Variants in CD163 observed in about 807,000 individuals in gnomAD.
CD163 encodes CD163 molecule.
A neutral mutation model predicts 129.2 loss-of-function variants in CD163; 64 were observed. That is an observed-to-expected ratio of 0.50 (90% CI 0.41 to 0.61). CD163 has a LOEUF of 0.61. Among genes scored for constraint, CD163 ranks in the 20% least tolerant of loss-of-function variants. The pLI is 0.00. For synonymous variants in CD163, 446 were observed against 478.5 expected, an observed-to-expected ratio of 0.93 and a Z score of 0.89; for missense variants, 1,061 against 1,377.9, an observed-to-expected ratio of 0.77 and a Z score of 3.64.
chr12:7,479,439 A>G (rs1178439795), intron 16 of CD163, among the ~76,000 whole-genome samples: 1 of 152,048 alleles, frequency 6.6e-6, no homozygotes, highest in Non-Finnish European at 1.5e-5. Flanking sequence ...TTTAAAGTTT[A>G]CCTTAAATAT....
In CD163 at chr12:7,490,862, G is replaced by A. The variant is rs184736136; in HGVS notation, c.1421-2775C>T. On this transcript the variant is annotated intron_variant, in intron 6 of 16. Transcript: ENST00000432237. ...TGTTGCTTTCTAAACATAGCTCAGA[G>A]TTTAAAGCAAATAACACCTCTACAA... Among the ~76,000 whole-genome samples the A allele has an allele frequency of 2.0e-5, 3 of 152,098 alleles. 1 individual carries two copies. Among genetic ancestry groups the A allele is most frequent in the Admixed American group, 1.3e-4 (2 of 15,262 alleles).
At chr12:7,475,118 A>AC (rs1949068676) in intron 16 of CD163, among the ~76,000 whole-genome samples, 1 of 142,932 alleles carries the variant, frequency 7.0e-6, no homozygotes, top group Non-Finnish European at 1.6e-5. Context: ...AAAAAAAAAA[A>AC]CCATGACCAG....
intron 10 of CD163, 49 bp downstream of exon 10, chr12:7,486,449 TC>T (rs762106535): frequency 6.6e-7 from 1 of 1,524,324 alleles, no homozygotes; most frequent in Non-Finnish European, 9.0e-7. Context: ...CTACCCTTCC[TC>T]AGTCCTTTCT....
At chr12:7,497,676 A>T (rs1377473790) in intron 4 of CD163, among the ~76,000 whole-genome samples, 1 of 152,242 alleles carries the variant, frequency 6.6e-6, no homozygotes, top group African/African-American at 2.4e-5. Context: ...TTCAAAGAAC[A>T]GACGTTGATT....
Position 7,495,430 on chromosome 12 carries a change from C to T in CD163, c.1100-29G>A, listed in dbSNP as rs770402417. 35 of 1,600,726 alleles carry T rather than the reference C, an allele frequency of 2.2e-5. No homozygotes were observed. The East Asian group carries it at 2.9e-4, about 13-fold the overall frequency. On this transcript the variant is annotated intron_variant, in intron 5 of 16. Transcript: ENST00000432237. ...CAAAAGAAACATAAACTTAAACCAT[C>T]GATACATATGGAGGTTAGCTTCCAG... is the stretch of plus-strand genomic sequence containing the variant.
rs894110331 is a variant in CD163, at chr12:7,498,994, A to G, written c.652T>C (p.Ser218Pro). 3.1e-6 allele frequency: 5 copies of G among 1,614,024 alleles called. No individual in the cohort carries two copies. The African/African-American group carries it at 6.7e-5, about 22-fold the overall frequency. Residue 218 changes from serine to proline, a missense_variant, in exon 4 of 17, where the codon TCT (serine) becomes CCT (proline). Transcript: ENST00000432237. The stretch of plus-strand genomic sequence containing the variant: ...AGATCATCAAACCAGATTGGTCCAG[A>G]GCCTTCTCCAAAATTAGATGAACCA... ...FSGSSNFGEGSGPIWFDDLIC... is the reference protein window; with the variant it reads ...FSGSSNFGEGPGPIWFDDLIC...
In CD163 at chr12:7,495,257, C is replaced by A. The variant is rs1218951990; in HGVS notation, c.1244G>T (p.Gly415Val). Residue 415 changes from glycine (G) to valine (V), a missense_variant, in exon 6 of 17, where the codon GGA becomes GTA. By Grantham distance (109) the Gly-to-Val change is moderately radical. Transcript: ENST00000432237. ...KEADVVCRQL[G>V]CGSALKTSYQ... The stretch of plus-strand genomic sequence containing the variant: ...AGATGTTTTGAGTGCAGATCCACAT[C>A]CCAGCTGCCTGCAAACCACATCAGC... The A allele has an allele frequency of 6.2e-7, 1 of 1,614,010 alleles. No individual in the cohort carries two copies. Among genetic ancestry groups the A allele is most frequent in the Non-Finnish European group, 8.5e-7 (1 of 1,180,008 alleles).
chr12:7,491,467 A>G (rs189508519), intron 6 of CD163, among the ~76,000 whole-genome samples: 58 of 152,218 alleles, frequency 3.8e-4, no homozygotes, highest in South Asian at 2.5e-3. Context: ...CATAAAAACC[A>G]TTAAGTAAAT....
At chr12:7,499,237 T>C (rs1949445559) in intron 3 of CD163, 49 bp from the exon 4 acceptor site, 7 of 1,500,408 alleles carry the variant, frequency 4.7e-6, no homozygotes, top group Middle Eastern at 1.8e-4. Context: ...CATTTAGAAG[T>C]GATTTTAGAA....
At chr12:7,476,326 G>A (rs989111071) in intron 16 of CD163, among the ~76,000 whole-genome samples, 8 of 152,126 alleles carry the variant, frequency 5.3e-5, no homozygotes, top group African/African-American at 1.9e-4. Context: ...CACGCTATCT[G>A]ACTTCAAACT....
chr12:7,486,943 C>T lies in CD163; in HGVS notation c.2094G>A (p.Leu698=). ...CTGGAATGGTAGGCCTTGTTGGGCC[C>T]AAAGACGATGAATTGCACGAGGACA... ...QTLSSCNSSS[L]GPTRPTIPEE... is the part of the protein sequence containing the mutation. Residue 698 remains leucine, a synonymous_variant, in exon 9 of 17, where the codon TTG becomes TTA. Coordinates refer to ENST00000432237, the MANE Select transcript of CD163 (RefSeq NM_203416.4). 6.2e-7 allele frequency: 1 copy of T among 1,614,110 alleles called. No homozygotes were observed. Among genetic ancestry groups the T allele is most frequent in the Non-Finnish European group, 8.5e-7 (1 of 1,180,000 alleles).
chr12:7,487,823 C>A lies in CD163; in HGVS notation c.1685G>T (p.Arg562Leu), dbSNP rs766477797. The change falls in exon 7 of 17, where the codon CGC (arginine) becomes CTC (leucine). Residue 562 changes from arginine to leucine, a missense_variant. Coordinates refer to ENST00000432237, the MANE Select transcript of CD163 (RefSeq NM_203416.4). This position sits in a 1 kb window ranked among gnomAD's most constrained non-coding sequence, Gnocchi z 5.1. ...SHLSLCPVAP[R>L]PEGTCSHSRD... ...GCTGTGGCTACAAGTTCCTTCTGGGCGGGGTGCTACTGGGCAGAGTGAAAG... is the reference window on the plus strand; with the variant it reads ...GCTGTGGCTACAAGTTCCTTCTGGGAGGGGTGCTACTGGGCAGAGTGAAAG... 3.4e-5 allele frequency: 55 copies of A among 1,614,004 alleles called. No homozygotes were observed. The highest frequency in any genetic ancestry group is 4.7e-5 in the Non-Finnish European group (55 of 1,180,034).
chr12:7,490,741 A>G (rs1592004265), intron 6 of CD163, among the ~76,000 whole-genome samples: 1 of 152,062 alleles, frequency 6.6e-6, no homozygotes, highest in African/African-American at 2.4e-5. Context: ...GTTCTGTACT[A>G]CAGCAATATA....
chr12:7,491,387 C>T (rs1949325519), intron 6 of CD163, among the ~76,000 whole-genome samples: 1 of 152,044 alleles, frequency 6.6e-6, no homozygotes, highest in Admixed American at 6.6e-5. Flanking sequence ...ACTCTTTAGA[C>T]ATGGATAGAA....
Position 7,487,032 on chromosome 12 carries a change from G to T in CD163, c.2051-46C>A. 1 of 1,464,728 alleles carries T rather than the reference G, an allele frequency of 6.8e-7. No homozygotes were observed. Among genetic ancestry groups the T allele is most frequent in the South Asian group, 1.2e-5 (1 of 86,294 alleles). The allele number at this position is 1,464,728 out of a possible 1,614,324, so 90.7% of individuals were successfully genotyped here. ...AGTCATACAAGACACAAAAGGTTAG[G>T]GGAGTCAGATGAAATGTTATATGGA... On this transcript the variant is annotated intron_variant, in intron 8 of 16. Coordinates refer to ENST00000432237, the MANE Select transcript of CD163 (RefSeq NM_203416.4). This position sits in a 1 kb window ranked among gnomAD's most constrained non-coding sequence, Gnocchi z 5.1.
Position 7,487,088 on chromosome 12 carries a change from G to T in CD163, c.2051-102C>A. On this transcript the variant is annotated intron_variant, in intron 8 of 16. Coordinates refer to ENST00000432237, the MANE Select transcript of CD163 (RefSeq NM_203416.4). This position sits in a 1 kb window ranked among gnomAD's most constrained non-coding sequence, Gnocchi z 5.1. ...TGAGGACAAACATAGCTTAGAGAGA[G>T]AGGGGAAGGTGGATGGTCAACAAGT... 1.1e-6 allele frequency: 1 copy of T among 951,316 alleles called. No homozygotes were observed. The allele number at this position is 951,316 out of a possible 1,614,324, so 58.9% of individuals were successfully genotyped here. A position where few individuals can be genotyped will look rare whatever the true frequency, so the allele number is the denominator to read the frequency against.
chr12:7,474,015 A>C (rs1453110198), intron 16 of CD163, among the ~76,000 whole-genome samples: 1 of 152,216 alleles, frequency 6.6e-6, no homozygotes, highest in Non-Finnish European at 1.5e-5. Flanking sequence ...GAATCAATGC[A>C]ACAAGAAGAG....
chr12:7,495,898 AT>A (rs1949392963), intron 5 of CD163, among the ~76,000 whole-genome samples: 1 of 152,222 alleles, frequency 6.6e-6, no homozygotes, highest in Non-Finnish European at 1.5e-5. Context: ...TAGTTCAACC[AT>A]TATGGAAGAC....
chr12:7,476,580 A>G (rs939108205), intron 16 of CD163, among the ~76,000 whole-genome samples: 1 of 152,234 alleles, frequency 6.6e-6, no homozygotes, highest in Admixed American at 6.5e-5. Flanking sequence ...GTATACAAAA[A>G]TTAACTCAAG....
Sources: gnomAD v4.1 joint callset for allele counts (sites outside exome capture counted in the v4.1 genomes callset) on GRCh38, gnomAD v4.1.1 for gene constraint, Gnocchi (gnomAD v3.1) non-coding constraint, MANE v1.5 for transcripts, NCBI Gene and HGNC (gene_info 2026-07-23, HGNC 2026-07-21) for gene names.